NME9: variants seen among roughly 807,000 people sequenced by gnomAD.
The protein encoded by NME9 is thioredoxin domain-containing protein 6.
In NME9, 48 loss-of-function variants were observed where a neutral mutation model predicts 44.4. That is an observed-to-expected ratio of 1.08 (90% CI 0.86 to 1.37). The LOEUF (loss-of-function observed/expected upper bound fraction) is 1.37. Among genes scored for constraint, NME9 ranks in the 40% most tolerant of loss-of-function variants. The pLI is 0.00. For missense variants in NME9, 325 were observed against 405.2 expected, an observed-to-expected ratio of 0.80 and a Z score of 1.70; for synonymous variants, 139 against 147.1, an observed-to-expected ratio of 0.94 and a Z score of 0.40.
At chr3:138,293,917 C>T (rs1352676635) in intron 8 of NME9, among the ~76,000 whole-genome samples, 1 of 152,216 alleles carries the variant, frequency 6.6e-6, no homozygotes, top group Non-Finnish European at 1.5e-5. Flanking sequence ...TTTAGCTCTT[C>T]TTAAACGTAA....
chr3:138,325,738 A>C (rs2053745375), intron 1 of NME9, among the ~76,000 whole-genome samples: 1 of 151,666 alleles, frequency 6.6e-6, no homozygotes, highest in South Asian at 2.1e-4. Context: ...AATGTTTTTT[A>C]CTTTGAAATA....
chr3:138,287,734 C>T (rs1307479475), intron 8 of NME9: 2 of 456,414 alleles, frequency 4.4e-6, no homozygotes, highest in African/African-American at 2.0e-5. Flanking sequence ...ATTTCTTTGT[C>T]TCTGCTTAGT....
At chr3:138,306,667 C>CCACCAGACCTGACTGGAGT (rs2052289426) in intron 6 of NME9, among the ~76,000 whole-genome samples, 187 bp from the exon 7 acceptor site, 1 of 152,204 alleles carries the variant, frequency 6.6e-6, no homozygotes, top group African/African-American at 2.4e-5. Context: ...GGTGGATGCA[C>CCACCAGACCTGACTGGAGT]CAGTCTGACT....
downstream of NME9, chr3:138,296,180 C>T: frequency 3.0e-6 from 1 of 333,026 alleles, no homozygotes; most frequent in Non-Finnish European, 5.5e-6. Context: ...CAATTTTTGC[C>T]TATGCTGCAG....
chr3:138,281,874 C>T (rs981535591), intron 8 of NME9, among the ~76,000 whole-genome samples: 1 of 152,090 alleles, frequency 6.6e-6, no homozygotes, highest in African/African-American at 2.4e-5. Flanking sequence ...TTTCTCTTCC[C>T]CCCATGAATA....
rs1031982997 is a variant in NME9 at position 138,304,738 on chromosome 3, A to G, written c.791+135T>C. Reference sequence around the variant, plus strand: ...GCGGGAAGATGTCAGGGTCTCCCCAAATATATAATAGAGAGCCTGGCCATC... The same window carrying G: ...GCGGGAAGATGTCAGGGTCTCCCCAGATATATAATAGAGAGCCTGGCCATC... On this transcript the variant is annotated intron_variant, in intron 9 of 10. Transcript: ENST00000333911. 35 of 890,334 alleles carry G rather than the reference A, an allele frequency of 3.9e-5. No homozygotes were observed. In the South Asian group the frequency reaches 4.0e-4, roughly 10 times the overall value. 55.2% of individuals were successfully genotyped at this position (890,334 alleles called of 1,614,324 possible).
At chr3:138,314,864 G>C (rs1266897572) in intron 5 of NME9, among the ~76,000 whole-genome samples, 1 of 152,178 alleles carries the variant, frequency 6.6e-6, no homozygotes, top group Admixed American at 6.5e-5. Context: ...TATAAAAATG[G>C]AGCTTTGCTA....
intron 8 of NME9, chr3:138,289,058 A>G: frequency 6.2e-7 from 1 of 1,612,862 alleles, no homozygotes; most frequent in South Asian, 1.1e-5. Flanking sequence ...GGCCATTCAC[A>G]TGTTAAACTG....
chr3:138,290,730 T>G, intron 8 of NME9: 2 of 786,490 alleles, frequency 2.5e-6, no homozygotes, highest in South Asian at 3.5e-5. Flanking sequence ...TGGCCATACT[T>G]TTTAAAATCT....
chr3:138,305,125 G>C (rs965576264), intron 8 of NME9, 98 bp from the exon 9 acceptor site: 1 of 1,151,892 alleles, frequency 8.7e-7, no homozygotes, highest in African/African-American at 1.5e-5. Flanking sequence ...GAGGGAGTTA[G>C]TGAGCAGCCT....
chr3:138,268,530 T>C (rs2048490010), intron 8 of NME9, among the ~76,000 whole-genome samples: 2 of 152,178 alleles, frequency 1.3e-5, no homozygotes, highest in African/African-American at 4.8e-5. Context: ...GTAGATGAGC[T>C]CAGGCAAAGG....
intron 4 of NME9, among the ~76,000 whole-genome samples, chr3:138,316,758 A>G (rs1441808549): frequency 2.0e-5 from 3 of 152,070 alleles, no homozygotes; most frequent in African/African-American, 7.2e-5. Flanking sequence ...GGGATTACAG[A>G]CACCCGCCAC....
chr3:138,310,856 G>T (rs899814739), intron 6 of NME9, among the ~76,000 whole-genome samples: 4 of 151,810 alleles, frequency 2.6e-5, no homozygotes, highest in African/African-American at 9.7e-5. Flanking sequence ...ACCCAAATGC[G>T]CTAAAAAAGC....
At chr3:138,326,377 G>C (rs2053787038) in intron 1 of NME9, among the ~76,000 whole-genome samples, 1 of 152,086 alleles carries the variant, frequency 6.6e-6, no homozygotes, top group African/African-American at 2.4e-5. Flanking sequence ...ACATATTTTT[G>C]TGGTGAGCTA....
intron 6 of NME9, among the ~76,000 whole-genome samples, chr3:138,307,377 G>A (rs2052351587): frequency 6.6e-6 from 1 of 151,900 alleles, no homozygotes; most frequent in South Asian, 2.1e-4. Flanking sequence ...ATATAAACTT[G>A]TCTTGGATGA....
intron 8 of NME9, among the ~76,000 whole-genome samples, chr3:138,281,048 A>G (rs942988283): frequency 1.3e-5 from 2 of 152,182 alleles, no homozygotes; most frequent in Non-Finnish European, 2.9e-5. Context: ...GGAAGCAACT[A>G]TAGACAATAC....
intron 8 of NME9, chr3:138,290,752 A>T: frequency 5.6e-6 from 4 of 712,432 alleles, no homozygotes; most frequent in East Asian, 2.8e-5. Flanking sequence ...TTAGATTCTT[A>T]GATTTTCTTC....
At chr3:138,278,892 T>C (rs918090678) in intron 8 of NME9, among the ~76,000 whole-genome samples, 1 of 152,238 alleles carries the variant, frequency 6.6e-6, no homozygotes, top group African/African-American at 2.4e-5. Flanking sequence ...ATGTCAGTCT[T>C]GTATCCTGCA....
intron 8 of NME9, chr3:138,272,942 C>T: frequency 6.7e-7 from 1 of 1,496,758 alleles, no homozygotes; most frequent in South Asian, 1.4e-5. Context: ...AGACATGATT[C>T]TTGCAACTTC....
Sources: allele counts gnomAD v4.1 joint callset (sites outside exome capture counted in the v4.1 genomes callset), GRCh38; gene constraint gnomAD v4.1.1; transcripts MANE v1.5; gene names NCBI Gene and HGNC (gene_info 2026-07-23, HGNC 2026-07-21).